PTPRD: variants seen among roughly 807,000 people sequenced by gnomAD.
The protein encoded by PTPRD is receptor-type tyrosine-protein phosphatase delta.
PTPRD carries 34 observed loss-of-function variants against 214.5 expected under a neutral mutation model. That is an observed-to-expected ratio of 0.16 (90% CI 0.12 to 0.21). PTPRD has a LOEUF of 0.21. Ranked by LOEUF, PTPRD falls within the 10% of genes least tolerant of loss-of-function variation. PTPRD has a pLI of 1.00. For synonymous variants in PTPRD, 1,128 were observed against 845.7 expected (o/e 1.33, Z -5.79); for missense variants, 2,545 against 2,398.7 (o/e 1.06, Z -1.27).
At chr9:9,133,856 C>A (rs1172397686) in intron 10 of PTPRD, among the ~76,000 whole-genome samples, 1 of 152,158 alleles carries the variant, frequency 6.6e-6, no homozygotes, top group Non-Finnish European at 1.5e-5. Flanking sequence ...GGCATCAACA[C>A]AGTCCCAATT....
chr9:8,985,932 T>C (rs2154343592), intron 11 of PTPRD, among the ~76,000 whole-genome samples: 1 of 152,218 alleles, frequency 6.6e-6, no homozygotes, highest in East Asian at 1.9e-4. Context: ...TTAGCTAAAA[T>C]ATACATTTTT....
At chr9:10,264,852 G>A (rs2475343) in intron 3 of PTPRD, among the ~76,000 whole-genome samples, 22,101 of 152,054 alleles carry the variant, frequency 0.15, 1,671 homozygotes, top group Admixed American at 0.16. Context: ...TGTTGTGGGA[G>A]GGACCCAGGG....
intron 33 of PTPRD, among the ~76,000 whole-genome samples, chr9:8,451,243 T>C (rs966307422): frequency 6.6e-6 from 1 of 152,194 alleles, no homozygotes; most frequent in African/African-American, 2.4e-5. Flanking sequence ...CTAAGTCCTA[T>C]TAGACATGTT....
chr9:9,287,598 C>T (rs950568012), intron 9 of PTPRD, among the ~76,000 whole-genome samples: 1 of 151,792 alleles, frequency 6.6e-6, no homozygotes, highest in Non-Finnish European at 1.5e-5. Flanking sequence ...AGTCTAAATG[C>T]TTGTGGATAG....
chr9:10,141,854 C>T (rs905995960), intron 3 of PTPRD, among the ~76,000 whole-genome samples: 1 of 152,120 alleles, frequency 6.6e-6, no homozygotes, highest in Non-Finnish European at 1.5e-5. Context: ...TCAAACTATG[C>T]TACAAGGCTA....
chr9:10,061,880 T>C (rs2097782764), intron 3 of PTPRD, among the ~76,000 whole-genome samples: 1 of 152,040 alleles, frequency 6.6e-6, no homozygotes, highest in Non-Finnish European at 1.5e-5. Flanking sequence ...CCTGCAGCTT[T>C]ATTATCACCC....
At chr9:8,541,793 C>A (rs922935808) in intron 14 of PTPRD, among the ~76,000 whole-genome samples, 1 of 152,060 alleles carries the variant, frequency 6.6e-6, no homozygotes, top group African/African-American at 2.4e-5. Flanking sequence ...TATTTCTTTT[C>A]GAAATGTTTG....
chr9:10,414,077 A>G (rs982888322), intron 2 of PTPRD, among the ~76,000 whole-genome samples: 3 of 151,978 alleles, frequency 2.0e-5, no homozygotes, highest in South Asian at 2.1e-4. Context: ...GCCAAAAGCA[A>G]TAACGATAAA....
intron 9 of PTPRD, among the ~76,000 whole-genome samples, chr9:9,369,923 A>G (rs2058980236): frequency 6.6e-6 from 1 of 152,084 alleles, no homozygotes; most frequent in South Asian, 2.1e-4. Context: ...ATAGTTGTAG[A>G]TACGCGGCAT....
intron 7 of PTPRD, among the ~76,000 whole-genome samples, chr9:9,624,273 T>A (rs1304760718): frequency 4.3e-5 from 3 of 69,520 alleles, no homozygotes; most frequent in Non-Finnish European, 7.6e-5. Context: ...GTAGCTAGTT[T>A]TTTTTTTGTT....
chr9:9,455,630 T>C (rs2092882318), intron 8 of PTPRD, among the ~76,000 whole-genome samples: 2 of 151,528 alleles, frequency 1.3e-5, no homozygotes, highest in Admixed American at 1.3e-4. Flanking sequence ...TAAATGGAGA[T>C]CCAAGTAACT....
At chr9:9,497,736 C>T (rs773396461) in intron 8 of PTPRD, among the ~76,000 whole-genome samples, 1 of 152,006 alleles carries the variant, frequency 6.6e-6, no homozygotes, top group Non-Finnish European at 1.5e-5. Flanking sequence ...ATGTGTAGCA[C>T]AGTACAAGTC....
At chr9:9,571,415 T>A (rs895869163) in intron 8 of PTPRD, among the ~76,000 whole-genome samples, 2 of 151,438 alleles carry the variant, frequency 1.3e-5, no homozygotes, top group African/African-American at 4.8e-5. Context: ...GCTGTATTTA[T>A]ATTATGGCTG....
intron 9 of PTPRD, among the ~76,000 whole-genome samples, chr9:9,354,009 G>A (rs531707338): frequency 6.6e-6 from 1 of 151,624 alleles, no homozygotes; most frequent in African/African-American, 2.4e-5. Flanking sequence ...TTTGGCTAGG[G>A]GTCACTCTTA....
At chr9:9,672,166 G>A (rs1267400965) in intron 7 of PTPRD, among the ~76,000 whole-genome samples, 2 of 152,152 alleles carry the variant, frequency 1.3e-5, no homozygotes, top group African/African-American at 4.8e-5. Context: ...TTTTCACTAT[G>A]TAAAGAAAAC....
chr9:9,172,919 G>A (rs996275237), intron 10 of PTPRD, among the ~76,000 whole-genome samples: 4 of 152,188 alleles, frequency 2.6e-5, no homozygotes, highest in South Asian at 4.1e-4. Context: ...ATTCGATCGT[G>A]TCCAAAATAT....
intron 11 of PTPRD, among the ~76,000 whole-genome samples, chr9:8,968,618 C>A (rs1245661978): frequency 6.6e-6 from 1 of 151,980 alleles, no homozygotes; most frequent in Non-Finnish European, 1.5e-5. Flanking sequence ...ACTACCAACC[C>A]CATTTTACAC....
intron 2 of PTPRD, among the ~76,000 whole-genome samples, chr9:10,545,409 G>C (rs1410911643): frequency 2.0e-5 from 3 of 152,092 alleles, no homozygotes; most frequent in Non-Finnish European, 2.9e-5. Flanking sequence ...TTTTGAAAAG[G>C]GCTATTTACA....
intron 9 of PTPRD, among the ~76,000 whole-genome samples, chr9:9,204,785 A>T (rs903959251): frequency 1.3e-5 from 2 of 152,178 alleles, no homozygotes; most frequent in African/African-American, 2.4e-5. Flanking sequence ...TTGTGCTAAT[A>T]TTATATTGTA....
Sources: gnomAD v4.1 joint callset for allele counts (sites outside exome capture counted in the v4.1 genomes callset) on GRCh38, gnomAD v4.1.1 for gene constraint, MANE v1.5 for transcripts, NCBI Gene and HGNC (gene_info 2026-07-23, HGNC 2026-07-21) for gene names.